The following FGF13 variants were observed in gnomAD, a reference collection of about 807,000 sequenced individuals.
FGF13 encodes fibroblast growth factor homologous factor 2.
A neutral mutation model predicts 19.5 loss-of-function variants in FGF13; 2 were observed. The observed-to-expected ratio is 0.10, with a 90% CI of 0.04 to 0.32. The LOEUF (loss-of-function observed/expected upper bound fraction) is 0.32, where lower values mean the gene tolerates loss of function less well. FGF13 is among the 10% of genes least tolerant of loss of function. The probability of loss-of-function intolerance (pLI) is 1.00; values close to 1 mark genes in which losing one functional copy is unlikely to be tolerated. For missense variants in FGF13, 113 were observed against 192.7 expected (o/e 0.59, Z 2.45); for synonymous variants, 72 against 76.9 (o/e 0.94, Z 0.33).
chrX:138,992,380 G>A (rs2092020484), intron 1 of FGF13, among the ~76,000 whole-genome samples: 1 of 111,155 alleles, frequency 9.0e-6, no homozygotes, highest in Non-Finnish European at 1.9e-5. Context: ...TTTTGCATAT[G>A]GAATTTCATG....
At chrX:138,788,693 G>A (rs890576536) in intron 3 of FGF13, among the ~76,000 whole-genome samples, 2 of 112,071 alleles carry the variant, frequency 1.8e-5, no homozygotes, top group Admixed American at 9.4e-5. Context: ...CAAACTGTCA[G>A]TTTTTTCTAT....
At chrX:138,752,040 C>T (rs1248194279) in intron 3 of FGF13, among the ~76,000 whole-genome samples, 1 of 111,766 alleles carries the variant, frequency 8.9e-6, no homozygotes, top group Non-Finnish European at 1.9e-5. Context: ...AATAATTCAA[C>T]AAATGTTATT....
intron 1 of FGF13, among the ~76,000 whole-genome samples, chrX:139,155,329 T>C (rs913744467): frequency 8.9e-6 from 1 of 112,010 alleles, no homozygotes; most frequent in African/African-American, 3.2e-5. Flanking sequence ...CATTTTGATA[T>C]TGGGGATCTC....
intron 1 of FGF13, among the ~76,000 whole-genome samples, chrX:139,121,407 A>G (rs1347502042): frequency 9.0e-6 from 1 of 110,576 alleles, no homozygotes; most frequent in Non-Finnish European, 1.9e-5. Context: ...GTTTAATGGT[A>G]CCAAATATTT....
intron 3 of FGF13, among the ~76,000 whole-genome samples, chrX:138,668,814 T>C (rs1342336151): frequency 1.8e-5 from 2 of 110,014 alleles, no homozygotes; most frequent in Non-Finnish European, 1.9e-5. Flanking sequence ...ACAGAAGAGA[T>C]GGTTTCAATG....
intron 1 of FGF13, among the ~76,000 whole-genome samples, chrX:139,070,129 G>A (rs1021793310): frequency 1.8e-5 from 2 of 111,663 alleles, no homozygotes; most frequent in Non-Finnish European, 3.8e-5. Flanking sequence ...AAATTGACAA[G>A]TGGGATCTAA....
intron 3 of FGF13, among the ~76,000 whole-genome samples, chrX:138,848,720 G>A (rs1048105615): frequency 9.0e-6 from 1 of 111,402 alleles, no homozygotes; most frequent in Non-Finnish European, 1.9e-5. Flanking sequence ...GTTTGATGTT[G>A]AGCTCAGGCG....
In FGF13 at chrX:138,921,214, A is replaced by AT. The variant is rs1380567016; in HGVS notation, c.-112-56565dup. On this transcript the variant is annotated intron_variant, in intron 1 of 2. Transcript: ENST00000421460. ...AAAAGCAATCTCTACTGAGCATGAC[A>AT]TTTTTTTCACAAAAGTTCCTAGAGG... Among the ~76,000 whole-genome samples, 7 of 111,374 alleles carry AT rather than the reference A, an allele frequency of 6.3e-5. No homozygotes were observed. In the East Asian group the frequency reaches 2.0e-3, roughly 32 times the overall value.
intron 1 of FGF13, among the ~76,000 whole-genome samples, chrX:139,026,606 C>T (rs2092202006): frequency 9.0e-6 from 1 of 111,712 alleles, no homozygotes; most frequent in African/African-American, 3.3e-5. Context: ...GTATGCAAAT[C>T]ATGCCGGGAC....
At chrX:139,146,984 A>G (rs2083895644) in intron 1 of FGF13, among the ~76,000 whole-genome samples, 1 of 105,542 alleles carries the variant, frequency 9.5e-6, no homozygotes, top group African/African-American at 3.4e-5. Context: ...TGGGGGAGGG[A>G]GGAGGGATAG....
intron 1 of FGF13, among the ~76,000 whole-genome samples, chrX:139,081,741 T>TGTCTCTCTCTCTCTCTC (rs1556356402): frequency 9.0e-6 from 1 of 111,287 alleles, no homozygotes; most frequent in African/African-American, 3.3e-5. Flanking sequence ...TCTCTCTCTC[T>TGTCTCTCTCTCTCTCTC]TATGTGTTGC....
chrX:138,683,840 CAA>C (rs1015760484), intron 3 of FGF13, among the ~76,000 whole-genome samples: 12 of 111,491 alleles, frequency 1.1e-4, no homozygotes, highest in African/African-American at 3.9e-4. Context: ...ATAGAAGGCA[CAA>C]AGAGTCATCC....
intron 3 of FGF13, among the ~76,000 whole-genome samples, chrX:138,780,591 G>C (rs1395024375): frequency 1.1e-5 from 1 of 91,168 alleles, no homozygotes; most frequent in African/African-American, 4.2e-5. Context: ...ATGGTAAAGG[G>C]ATCAATTCAA....
At chrX:138,874,430 TCTC>T (rs1352621113) in intron 1 of FGF13, among the ~76,000 whole-genome samples, 3 of 110,850 alleles carry the variant, frequency 2.7e-5, no homozygotes, top group African/African-American at 9.8e-5. Context: ...AATTCTTTCT[TCTC>T]TTTTTTTTCC....
At chrX:138,648,795 C>T (rs140282007) in intron 3 of FGF13, among the ~76,000 whole-genome samples, 9 of 111,501 alleles carry the variant, frequency 8.1e-5, no homozygotes, top group Admixed American at 2.9e-4. Flanking sequence ...CTTTTCACAG[C>T]GCACAGAGAA....
At chrX:138,862,774 T>C (rs866185393) in intron 2 of FGF13, among the ~76,000 whole-genome samples, 4 of 112,288 alleles carry the variant, frequency 3.6e-5, no homozygotes, top group African/African-American at 1.3e-4. Flanking sequence ...AGATCAATGC[T>C]AATGGTCTTT....
intron 1 of FGF13, among the ~76,000 whole-genome samples, chrX:139,041,606 T>C (rs2092270401): frequency 1.8e-5 from 2 of 111,874 alleles, no homozygotes; most frequent in African/African-American, 6.5e-5. Context: ...GTTTTAAGCA[T>C]TGCACTTAGT....
chrX:138,970,473 T>C (rs2091911341), intron 1 of FGF13, among the ~76,000 whole-genome samples: 1 of 111,462 alleles, frequency 9.0e-6, no homozygotes, highest in Non-Finnish European at 1.9e-5. Context: ...TATGTCACTC[T>C]GTTTGGAGAT....
intron 1 of FGF13, among the ~76,000 whole-genome samples, chrX:138,957,593 T>C (rs975820387): frequency 3.6e-5 from 4 of 111,563 alleles, no homozygotes; most frequent in Non-Finnish European, 7.5e-5. Context: ...ATTGAATCTA[T>C]AAATTACCTT....
Sources: gnomAD v4.1 joint callset for allele counts (sites outside exome capture counted in the v4.1 genomes callset) on GRCh38, gnomAD v4.1.1 for gene constraint, MANE v1.5 for transcripts, NCBI Gene and HGNC (gene_info 2026-07-23, HGNC 2026-07-21) for gene names.